The following EPHA6 variants were observed in gnomAD, a reference collection of about 807,000 sequenced individuals.
EPHA6 encodes EPH receptor A6, also known as ephrin type-A receptor 6.
Under a neutral mutation model 112.0 loss-of-function variants are expected in EPHA6, and 50 were observed. The ratio of observed to expected loss-of-function variants is 0.45; its 90% confidence interval spans 0.36 to 0.56. The LOEUF (loss-of-function observed/expected upper bound fraction) is 0.56. Ranked by LOEUF, EPHA6 falls within the 20% of genes least tolerant of loss-of-function variation. The pLI, the probability that EPHA6 is intolerant of heterozygous loss-of-function variation, is 0.00. For synonymous variants in EPHA6, 529 were observed against 490.7 expected, an observed-to-expected ratio of 1.08 and a Z score of -1.03; for missense variants, 1,280 against 1,417.4, an observed-to-expected ratio of 0.90 and a Z score of 1.56.
intron 5 of EPHA6, among the ~76,000 whole-genome samples, chr3:97,342,293 C>T (rs1298396468): frequency 5.3e-5 from 8 of 152,082 alleles, no homozygotes; most frequent in African/African-American, 1.9e-4. Context: ...GTAAAGTTCA[C>T]CCTTTTAAAT....
chr3:97,693,114 T>A (rs1467063851), intron 14 of EPHA6, among the ~76,000 whole-genome samples: 1 of 152,200 alleles, frequency 6.6e-6, no homozygotes, highest in Non-Finnish European at 1.5e-5. Flanking sequence ...GCTGTCTGGT[T>A]CAGTGAGATA....
At chr3:97,292,170 G>C (rs368673373) in intron 5 of EPHA6, among the ~76,000 whole-genome samples, 1 of 152,252 alleles carries the variant, frequency 6.6e-6, no homozygotes, top group East Asian at 1.9e-4. Flanking sequence ...TGAACAAGGG[G>C]AACCTGATGG....
intron 12 of EPHA6, among the ~76,000 whole-genome samples, chr3:97,609,033 G>T (rs1270510521): frequency 1.3e-5 from 2 of 151,314 alleles, no homozygotes; most frequent in Non-Finnish European, 3.0e-5. Context: ...ATGCTTGCAA[G>T]CTCTTTTTAT....
chr3:96,958,457 T>G (rs957256139), intron 2 of EPHA6, among the ~76,000 whole-genome samples: 1 of 152,230 alleles, frequency 6.6e-6, no homozygotes, highest in Non-Finnish European at 1.5e-5. Flanking sequence ...AAGGTTATAT[T>G]GCATGTAAAT....
chr3:97,480,487 G>A (rs1031218764), intron 9 of EPHA6, among the ~76,000 whole-genome samples: 7 of 152,014 alleles, frequency 4.6e-5, no homozygotes, highest in African/African-American at 1.5e-4. Flanking sequence ...ATCTTGCACC[G>A]CCCTTAATCC....
rs2035945014 is a variant in EPHA6, at chr3:97,753,332, T to G, written c.*4631T>G. On this transcript the variant is annotated 3_prime_UTR_variant, in exon 18 of 18. Transcript: ENST00000389672. ...TGTCACCGGGGGATAGCACTTTCCA[T>G]AGAATATAAAGAAATAAATAGGATC... is the stretch of plus-strand genomic sequence containing the variant. Among the ~76,000 whole-genome samples the G allele has an allele frequency of 6.6e-6, 1 of 152,176 alleles. No individual in the cohort carries two copies. The highest frequency in any genetic ancestry group is 1.5e-5 in the Non-Finnish European group (1 of 68,012).
chr3:97,531,209 A>G (rs1577680768), intron 10 of EPHA6, among the ~76,000 whole-genome samples: 2 of 152,158 alleles, frequency 1.3e-5, no homozygotes, highest in Middle Eastern at 3.4e-3. Context: ...CTCACTTTAT[A>G]TATTAATAAA....
At chr3:97,576,167 AT>A (rs2093382499) in intron 11 of EPHA6, among the ~76,000 whole-genome samples, 1 of 151,984 alleles carries the variant, frequency 6.6e-6, no homozygotes, top group East Asian at 1.9e-4. Flanking sequence ...TCTGTGAAAT[AT>A]TTTTTTCCAA....
intron 9 of EPHA6, among the ~76,000 whole-genome samples, chr3:97,481,696 G>A: frequency 6.9e-6 from 1 of 145,794 alleles, no homozygotes; most frequent in African/African-American, 2.6e-5. Flanking sequence ...CACCGCCCCG[G>A]CCCCGCCCCC....
At chr3:97,434,022 T>A (rs2089673261) in intron 6 of EPHA6, among the ~76,000 whole-genome samples, 1 of 147,698 alleles carries the variant, frequency 6.8e-6, no homozygotes. Context: ...ATTCTTATAC[T>A]ATGATTAGAA....
intron 6 of EPHA6, among the ~76,000 whole-genome samples, chr3:97,421,331 G>A (rs2088614304): frequency 6.6e-6 from 1 of 152,028 alleles, no homozygotes; most frequent in Non-Finnish European, 1.5e-5. Flanking sequence ...GTCTCGCTCT[G>A]CAAATTTAAA....
At chr3:97,660,943 G>A (rs978154408) in intron 14 of EPHA6, among the ~76,000 whole-genome samples, 3 of 151,944 alleles carry the variant, frequency 2.0e-5, no homozygotes, top group Non-Finnish European at 4.4e-5. Flanking sequence ...AATTCTTCCA[G>A]TTTTCAATGT....
At chr3:97,391,107 A>G (rs543998180) in intron 5 of EPHA6, among the ~76,000 whole-genome samples, 2 of 152,042 alleles carry the variant, frequency 1.3e-5, no homozygotes, top group South Asian at 2.1e-4. Flanking sequence ...CATTACTATT[A>G]TCATTATTAT....
intron 2 of EPHA6, among the ~76,000 whole-genome samples, chr3:96,909,929 C>A (rs983438443): frequency 2.6e-5 from 4 of 151,980 alleles, no homozygotes; most frequent in African/African-American, 9.7e-5. Flanking sequence ...GGGAGTTGGC[C>A]TAGATGTAAT....
At chr3:97,178,293 C>T (rs192963457) in intron 3 of EPHA6, among the ~76,000 whole-genome samples, 89 of 152,092 alleles carry the variant, frequency 5.9e-4, no homozygotes, top group Middle Eastern at 3.4e-3. Flanking sequence ...TTATATCTTA[C>T]GGTATTCACT....
At chr3:97,428,796 C>G (rs75294894) in intron 6 of EPHA6, among the ~76,000 whole-genome samples, 3,706 of 152,220 alleles carry the variant, frequency 0.024, 131 homozygotes, top group African/African-American at 0.08. Flanking sequence ...TAGAACCAGA[C>G]CTTTCTTGCT....
At chr3:96,849,143 A>G (rs1334194009) in intron 1 of EPHA6, among the ~76,000 whole-genome samples, 1 of 152,158 alleles carries the variant, frequency 6.6e-6, no homozygotes, top group Non-Finnish European at 1.5e-5. Flanking sequence ...CCAAATAAAA[A>G]TGTCCATAGC....
chr3:97,145,716 A>G (rs551972073), intron 3 of EPHA6, among the ~76,000 whole-genome samples: 3 of 151,808 alleles, frequency 2.0e-5, no homozygotes, highest in South Asian at 4.1e-4. Flanking sequence ...TACCACATTT[A>G]TTGAAGGATT....
chr3:97,556,243 G>T (rs1370995358), intron 11 of EPHA6, among the ~76,000 whole-genome samples: 1 of 152,006 alleles, frequency 6.6e-6, no homozygotes, highest in Non-Finnish European at 1.5e-5. Flanking sequence ...GCTTCCTCGT[G>T]TGACCCTTTT....
Sources: gnomAD v4.1 joint callset for allele counts (sites outside exome capture counted in the v4.1 genomes callset) on GRCh38, gnomAD v4.1.1 for gene constraint, MANE v1.5 for transcripts, NCBI Gene and HGNC (gene_info 2026-07-23, HGNC 2026-07-21) for gene names.